The following MYO9B variants were observed in gnomAD, a reference collection of about 807,000 sequenced individuals.
The protein encoded by MYO9B is unconventional myosin-IXb.
MYO9B carries 71 observed loss-of-function variants against 229.5 expected under a neutral mutation model. That is an observed-to-expected ratio of 0.31 (90% CI 0.26 to 0.38). The LOEUF is 0.38. Among genes scored for constraint, MYO9B ranks in the 10% least tolerant of loss-of-function variants. The pLI, the probability that MYO9B is intolerant of heterozygous loss-of-function variation, is 1.00. For missense variants in MYO9B, 2,255 were observed against 2,920.5 expected, an observed-to-expected ratio of 0.77 and a Z score of 5.25; for synonymous variants, 1,185 against 1,235.8, an observed-to-expected ratio of 0.96 and a Z score of 0.86.
At chr19:17,117,937 CAAAA>C (rs567862829) in intron 2 of MYO9B, among the ~76,000 whole-genome samples, 7 of 91,372 alleles carry the variant, frequency 7.7e-5, no homozygotes, top group African/African-American at 2.7e-4. Context: ...CACTCTTCCT[CAAAA>C]AAAAAAAAAA....
chr19:17,122,799 A>G (rs1390437328), intron 2 of MYO9B, among the ~76,000 whole-genome samples: 2 of 152,012 alleles, frequency 1.3e-5, no homozygotes, highest in Admixed American at 1.3e-4. Flanking sequence ...GGTAACTTTA[A>G]ATGACATCAT....
At chr19:17,105,081 C>G (rs2057780259) in intron 2 of MYO9B, among the ~76,000 whole-genome samples, 1 of 152,116 alleles carries the variant, frequency 6.6e-6, no homozygotes, top group South Asian at 2.1e-4. Context: ...GCAGCCACAG[C>G]TCTTCTCACT....
intron 2 of MYO9B, among the ~76,000 whole-genome samples, chr19:17,135,962 CAGAG>C (rs914716903): frequency 1.2e-4 from 19 of 152,252 alleles, no homozygotes; most frequent in South Asian, 6.2e-4. Flanking sequence ...GACCCTGACT[CAGAG>C]AGAGACCCGT....
intron 1 of MYO9B, among the ~76,000 whole-genome samples, chr19:17,096,434 A>G (rs1366881714): frequency 6.6e-6 from 1 of 151,996 alleles, no homozygotes; most frequent in East Asian, 1.9e-4. Flanking sequence ...TGGGAGGTCA[A>G]GGCAGGTGGA....
chr19:17,147,546 A>G (rs2072426076), intron 3 of MYO9B, among the ~76,000 whole-genome samples: 1 of 150,618 alleles, frequency 6.6e-6, no homozygotes, highest in Non-Finnish European at 1.5e-5. Context: ...CCATCTCAAA[A>G]AAAAAAAAAA....
In MYO9B at chr19:17,180,971, G is replaced by C; in HGVS notation, c.2264G>C (p.Trp755Ser). The C allele has an allele frequency of 6.2e-7, 1 of 1,611,166 alleles. No homozygotes were observed. Among genetic ancestry groups the C allele is most frequent in the African/African-American group, 1.3e-5 (1 of 74,932 alleles). ...ATCAAGAGCATCAAAGGATTGCCCTGGCAGGGCGAGGACCCCCGTAGCCTT... is the reference window on the plus strand; with the variant it reads ...ATCAAGAGCATCAAAGGATTGCCCTCGCAGGGCGAGGACCCCCGTAGCCTT... ...QMIKSIKGLP[W>S]QGEDPRSLLQ... The change falls in exon 15 of 40, where the codon TGG becomes TCG. Residue 755 changes from tryptophan to serine, a missense_variant. Coordinates refer to ENST00000682292, the MANE Select transcript of MYO9B (RefSeq NM_004145.4).
chr19:17,167,574 T>A lies in MYO9B; in HGVS notation c.1672-369T>A, dbSNP rs8112726. 4.6e-5 allele frequency among the ~76,000 whole-genome samples: 7 copies of A among 150,712 alleles called. No homozygotes were observed. In the East Asian group the frequency reaches 1.4e-3, roughly 30 times the overall value. ...GGCTCACTGCAACCTCCACTTCCCG[T>A]GTTCAAGCGATTTTCCTGCCTCAGC... On this transcript the variant is annotated intron_variant, in intron 10 of 39. Coordinates refer to ENST00000682292, the MANE Select transcript of MYO9B (RefSeq NM_004145.4).
At position 17,193,738 on chromosome 19, in the gene MYO9B, TGTG is replaced by T. The variant is rs1268853055; in HGVS notation, c.3128+682_3128+684del. ...ACACAAAATTAAAGACTTAGCCAGG[TGTG>T]GTGGTACACACCTGTAGTCCCAGCT... is the stretch of plus-strand genomic sequence containing the variant. On this transcript the variant is annotated intron_variant, in intron 21 of 39. Coordinates refer to ENST00000682292, the MANE Select transcript of MYO9B (RefSeq NM_004145.4). This position sits in a 1 kb window ranked among gnomAD's most constrained non-coding sequence, Gnocchi z 4.3. Among the ~76,000 whole-genome samples the T allele has an allele frequency of 6.6e-6, 1 of 151,948 alleles. No homozygotes were observed. Among genetic ancestry groups the T allele is most frequent in the East Asian group, 1.9e-4 (1 of 5,170 alleles).
chr19:17,110,894 C>T (rs1353225193), intron 2 of MYO9B, among the ~76,000 whole-genome samples: 1 of 152,130 alleles, frequency 6.6e-6, no homozygotes, highest in African/African-American at 2.4e-5. Flanking sequence ...GAACCTAGGA[C>T]TCGTACCCAC....
chr19:17,167,388 C>A (rs544811347), intron 10 of MYO9B, among the ~76,000 whole-genome samples: 20 of 151,936 alleles, frequency 1.3e-4, no homozygotes, highest in African/African-American at 4.8e-4. Flanking sequence ...CCACCTTGGC[C>A]TCTCAGTTAC....
chr19:17,165,391 T>G (rs1285821599), intron 10 of MYO9B, among the ~76,000 whole-genome samples: 2 of 151,892 alleles, frequency 1.3e-5, no homozygotes, highest in Non-Finnish European at 2.9e-5. Flanking sequence ...TTTCACCTTT[T>G]TTTTTACTTT....
In MYO9B at chr19:17,207,125, C is replaced by T. The variant is rs778440604; in HGVS notation, c.5505C>T (p.Leu1835=). 161 of 1,610,246 alleles carry T rather than the reference C, an allele frequency of 1.0e-4. No homozygotes were observed. Among genetic ancestry groups the T allele is most frequent in the Admixed American group, 2.0e-4 (12 of 59,624 alleles). Residue 1835 remains leucine, a synonymous_variant, in exon 35 of 40, where the codon CTC becomes CTT. Coordinates refer to ENST00000682292, the MANE Select transcript of MYO9B (RefSeq NM_004145.4). ...AGTGGCTGTGCAGGGTGGCCCTGCTCGAGGATGTCAACCGCATGTCACCTG... is the reference window on the plus strand; with the variant it reads ...AGTGGCTGTGCAGGGTGGCCCTGCTTGAGGATGTCAACCGCATGTCACCTG... ...LIFHLVKVAL[L]EDVNRMSPGA... is the part of the protein sequence containing the mutation.
intron 2 of MYO9B, among the ~76,000 whole-genome samples, chr19:17,142,819 C>T (rs1331599665): frequency 6.6e-6 from 1 of 151,980 alleles, no homozygotes; most frequent in East Asian, 1.9e-4. Flanking sequence ...ATTCTTGGCT[C>T]GCAGGCGATT....
chr19:17,083,769 GCCTCCCA>G (rs1431127746), intron 1 of MYO9B, among the ~76,000 whole-genome samples: 5 of 151,598 alleles, frequency 3.3e-5, no homozygotes, highest in African/African-American at 1.2e-4. Flanking sequence ...TCCTGCCTCA[GCCTCCCA>G]AGTAGGTGGG....
chr19:17,195,579 T>C lies in MYO9B; in HGVS notation c.4046+106T>C, dbSNP rs2073034175. 4.3e-6 allele frequency: 6 copies of C among 1,398,012 alleles called. No homozygotes were observed. Among genetic ancestry groups the C allele is most frequent in the Non-Finnish European group, 5.8e-6 (6 of 1,034,900 alleles). 86.6% of individuals were successfully genotyped at this position (1,398,012 alleles called of 1,614,324 possible). A position where few individuals can be genotyped will look rare whatever the true frequency, so the allele number is the denominator to read the frequency against. ...GAAACACATGTGTAATCATGCCCAG[T>C]GGGTGTGCGGGAGGCCTGAGGGAGG... On this transcript the variant is annotated intron_variant, in intron 22 of 39. Transcript: ENST00000682292. The surrounding 1 kb of genome is among the most constrained non-coding windows in gnomAD (Gnocchi z 4.5).
chr19:17,108,727 C>CT (rs1002715509), intron 2 of MYO9B, among the ~76,000 whole-genome samples: 3 of 151,970 alleles, frequency 2.0e-5, no homozygotes, highest in East Asian at 1.9e-4. Context: ...TTCTTTTTTT[C>CT]TTTTTTTGAG....
chr19:17,168,813 G>C (rs1308263065), intron 11 of MYO9B, among the ~76,000 whole-genome samples: 1 of 151,968 alleles, frequency 6.6e-6, no homozygotes, highest in East Asian at 1.9e-4. Flanking sequence ...TTGTTACAAA[G>C]GGCAGTGCAG....
intron 37 of MYO9B, 73 bp from the exon 38 acceptor site, chr19:17,210,642 A>C (rs2073216361): frequency 6.8e-7 from 1 of 1,463,098 alleles, no homozygotes; most frequent in South Asian, 1.4e-5. Context: ...ACCTCCTGGG[A>C]TCTGCTCACA....
chr19:17,125,786 G>A (rs1216608006), intron 2 of MYO9B, among the ~76,000 whole-genome samples: 1 of 152,150 alleles, frequency 6.6e-6, no homozygotes, highest in African/African-American at 2.4e-5. Flanking sequence ...GCCTGCCGGG[G>A]TGCCCCAAAC....
Sources: gnomAD v4.1 joint callset for allele counts (sites outside exome capture counted in the v4.1 genomes callset) on GRCh38, gnomAD v4.1.1 for gene constraint, Gnocchi (gnomAD v3.1) non-coding constraint, MANE v1.5 for transcripts, NCBI Gene and HGNC (gene_info 2026-07-23, HGNC 2026-07-21) for gene names.